The following TMEM117 variants were observed in gnomAD, a reference collection of about 807,000 sequenced individuals.
TMEM117 encodes the protein transmembrane protein 117.
A neutral mutation model predicts 52.4 loss-of-function variants in TMEM117; 27 were observed. The ratio of observed to expected loss-of-function variants is 0.51; its 90% confidence interval spans 0.38 to 0.71. The LOEUF (loss-of-function observed/expected upper bound fraction) is 0.71. Among genes scored for constraint, TMEM117 ranks in the 30% least tolerant of loss-of-function variants. The pLI, the probability that TMEM117 is intolerant of heterozygous loss-of-function variation, is 0.00. For missense variants in TMEM117, 556 were observed against 630.5 expected (o/e 0.88, Z 1.26); for synonymous variants, 215 against 206.3 (o/e 1.04, Z -0.36).
At chr12:44,010,239 A>C in intron 3 of TMEM117, 1 of 470,918 alleles carries the variant, frequency 2.1e-6, no homozygotes, top group South Asian at 1.5e-5. Context: ...GTACAATATC[A>C]ATGAGTAGAT....
rs1021420836 is a variant in TMEM117 at position 44,261,774 on chromosome 12, T to C, written c.609-37806T>C. 3.9e-5 allele frequency among the ~76,000 whole-genome samples: 6 copies of C among 152,326 alleles called. No individual in the cohort carries two copies. In the South Asian group the frequency reaches 1.0e-3, roughly 26 times the overall value. ...TAGGAATCTCTGAGAAACCTTCACA[T>C]GCGCAGCATTTTGGATGGTGTTTGG... On this transcript the variant is annotated intron_variant, in intron 5 of 7. Transcript: ENST00000266534.
chr12:44,292,655 G>T (rs531463748), intron 5 of TMEM117, among the ~76,000 whole-genome samples: 1 of 152,012 alleles, frequency 6.6e-6, no homozygotes, highest in East Asian at 1.9e-4. Context: ...GGTACGTTCT[G>T]TTTTTATTTT....
At chr12:44,203,273 G>T (rs1272768732) in intron 4 of TMEM117, among the ~76,000 whole-genome samples, 1 of 152,152 alleles carries the variant, frequency 6.6e-6, no homozygotes, top group Non-Finnish European at 1.5e-5. Flanking sequence ...AGTCTGTGAG[G>T]TTCTTCTGTA....
chr12:43,940,576 T>C (rs1216644504), intron 2 of TMEM117, among the ~76,000 whole-genome samples: 2 of 152,008 alleles, frequency 1.3e-5, no homozygotes, highest in Non-Finnish European at 2.9e-5. Context: ...AGTTTTGCTC[T>C]TGTTGTGCAA....
chr12:43,804,390 C>T, the TMEM117 span: 19 of 751,840 alleles, frequency 2.5e-5, no homozygotes, highest in African/African-American at 5.4e-5. Context: ...TTTGAACTTG[C>T]TTCATATTAA....
At chr12:44,072,800 C>T (rs1241162938) in intron 3 of TMEM117, among the ~76,000 whole-genome samples, 2 of 152,102 alleles carry the variant, frequency 1.3e-5, no homozygotes, top group Admixed American at 6.5e-5. Context: ...ATTTAGAAAA[C>T]CACATTGTCG....
chr12:44,169,405 G>A (rs1035323222), intron 4 of TMEM117, among the ~76,000 whole-genome samples: 14 of 152,162 alleles, frequency 9.2e-5, no homozygotes, highest in African/African-American at 3.4e-4. Context: ...GTGTGAAGTC[G>A]TGTCTCTTCA....
intron 5 of TMEM117, among the ~76,000 whole-genome samples, chr12:44,232,917 T>A (rs1404482232): frequency 6.6e-6 from 1 of 151,346 alleles, no homozygotes; most frequent in East Asian, 1.9e-4. Context: ...TAGTTTTTTT[T>A]AATAGTTTTC....
At chr12:44,077,139 G>A (rs1947395210) in intron 3 of TMEM117, among the ~76,000 whole-genome samples, 2 of 152,270 alleles carry the variant, frequency 1.3e-5, no homozygotes, top group African/African-American at 4.8e-5. Flanking sequence ...CAGGAACAAA[G>A]CTTTAATATT....
At chr12:44,387,268 AT>A (rs1952101215) in intron 7 of TMEM117, among the ~76,000 whole-genome samples, 1 of 151,866 alleles carries the variant, frequency 6.6e-6, no homozygotes, top group South Asian at 2.1e-4. Context: ...GTTTTTCCAC[AT>A]TCTTTCCATT....
chr12:43,796,395 G>T, the TMEM117 span, among the ~76,000 whole-genome samples: 12 of 152,010 alleles, frequency 7.9e-5, no homozygotes, highest in East Asian at 1.5e-3. Flanking sequence ...TGAGTTTAAG[G>T]GCTCAAGAAT....
intron 7 of TMEM117, among the ~76,000 whole-genome samples, chr12:44,387,332 TAA>T (rs1952102562): frequency 6.6e-6 from 1 of 151,838 alleles, no homozygotes; most frequent in Non-Finnish European, 1.5e-5. Context: ...TGTATTTATA[TAA>T]GATTTTAAAT....
At chr12:44,296,767 G>A (rs1950774397) in intron 5 of TMEM117, among the ~76,000 whole-genome samples, 1 of 152,186 alleles carries the variant, frequency 6.6e-6, no homozygotes, top group Non-Finnish European at 1.5e-5. Flanking sequence ...CTTTATGGTC[G>A]ACAGCTAGGG....
chr12:44,378,644 C>T (rs1951975873), intron 7 of TMEM117, among the ~76,000 whole-genome samples: 2 of 152,130 alleles, frequency 1.3e-5, no homozygotes, highest in South Asian at 4.1e-4. Context: ...GCAGAGACTA[C>T]ATATTAATCT....
intron 3 of TMEM117, among the ~76,000 whole-genome samples, chr12:43,969,392 G>A (rs1287625028): frequency 7.3e-6 from 1 of 137,160 alleles, no homozygotes; most frequent in Non-Finnish European, 1.5e-5. Context: ...GCATGGGGGC[G>A]GGTGCCTGTA....
chr12:44,243,050 C>A (rs1950083702), intron 5 of TMEM117, among the ~76,000 whole-genome samples: 1 of 151,958 alleles, frequency 6.6e-6, no homozygotes. Context: ...ACATGTATGT[C>A]TTCTTTTGAA....
At chr12:44,181,970 T>G in intron 4 of TMEM117, among the ~76,000 whole-genome samples, 1 of 152,018 alleles carries the variant, frequency 6.6e-6, no homozygotes, top group South Asian at 2.1e-4. Context: ...ATGATATTGA[T>G]TCTTCCTACC....
intron 3 of TMEM117, among the ~76,000 whole-genome samples, chr12:44,029,196 T>C (rs985034840): frequency 6.6e-6 from 1 of 152,154 alleles, no homozygotes; most frequent in Non-Finnish European, 1.5e-5. Context: ...TTTAGGAGGG[T>C]TGGAGTTCCT....
chr12:43,985,097 TA>T (rs964039417), intron 3 of TMEM117, among the ~76,000 whole-genome samples: 4 of 152,184 alleles, frequency 2.6e-5, no homozygotes, highest in African/African-American at 9.6e-5. Context: ...GAAATGTCCA[TA>T]AGTTCCTACA....
Sources: gnomAD v4.1 joint callset for allele counts (sites outside exome capture counted in the v4.1 genomes callset) on GRCh38, gnomAD v4.1.1 for gene constraint, MANE v1.5 for transcripts, NCBI Gene and HGNC (gene_info 2026-07-23, HGNC 2026-07-21) for gene names.